The following NUAK2 variants were observed in gnomAD, a reference collection of about 807,000 sequenced individuals.
NUAK2 encodes the protein NUAK family kinase 2.
A neutral mutation model predicts 29.8 loss-of-function variants in NUAK2; 20 were observed. The ratio of observed to expected loss-of-function variants is 0.67; its 90% CI spans 0.47 to 0.98. The LOEUF (loss-of-function observed/expected upper bound fraction) is 0.98. Ranked by LOEUF, NUAK2 falls within the 50% of genes least tolerant of loss-of-function variation. NUAK2 has a pLI of 0.00. For missense variants in NUAK2, 719 were observed against 834.5 expected, an observed-to-expected ratio of 0.86 and a Z score of 1.71; for synonymous variants, 331 against 342.6, an observed-to-expected ratio of 0.97 and a Z score of 0.37.
Position 205,308,610 on chromosome 1 carries a change from T to A in NUAK2, c.475A>T (p.Ile159Phe). ...EREARHFFRQ[I>F]VSAVHYCHQN... ...TGGCAATAGTGCACGGCAGAGACGA[T>A]CTGCCGGAAGAAATGCCTAGCTTCG... Residue 159 changes from isoleucine to phenylalanine, a missense_variant, in exon 3 of 7, where the codon ATC becomes TTC. This residue lies in a region of NUAK2 where 283 missense variants were observed against 345.6 expected (regional missense o/e 0.82). Coordinates refer to ENST00000367157, the MANE Select transcript of NUAK2 (RefSeq NM_030952.3). This position sits in a 1 kb window ranked among gnomAD's most constrained non-coding sequence, Gnocchi z 4.1. 1 of 1,614,070 alleles carries A rather than the reference T, an allele frequency of 6.2e-7. No homozygotes were observed. The highest frequency in any genetic ancestry group is 1.1e-5 in the South Asian group (1 of 91,080).
At position 205,308,869 on chromosome 1, in the gene NUAK2, A is replaced by G. The variant is rs1662219646; in HGVS notation, c.353-137T>C. 1.1e-6 allele frequency: 1 copy of G among 935,514 alleles called. No homozygotes were observed. The highest frequency in any genetic ancestry group is 1.6e-5 in the South Asian group (1 of 61,722). 58.0% of individuals were successfully genotyped at this position (935,514 alleles called of 1,614,324 possible). ...CAGGAATATCTGCTAATGGGGCTAT[A>G]CGGTGGCAAATAAGGGCAGAAGAAG... On this transcript the variant is annotated intron_variant, in intron 2 of 6. Coordinates refer to ENST00000367157, the MANE Select transcript of NUAK2 (RefSeq NM_030952.3). The surrounding 1 kb of genome is among the most constrained non-coding windows in gnomAD (Gnocchi z 4.1).
chr1:205,304,408 C>G lies in NUAK2; in HGVS notation c.929G>C (p.Arg310Pro). ...ATGCGGAGCCTCCTGCTCTCCCACT[C>G]GGGTGGCGTAGCCCCAGTTGACCCA... ...HWWVNWGYAT[R>P]VGEQEAPHEG... The change falls in exon 7 of 7, where the codon CGA becomes CCA. Residue 310 changes from arginine to proline, a missense_variant. Physicochemically the swap from Arg to Pro is moderately radical, Grantham distance 103. Coordinates refer to ENST00000367157, the MANE Select transcript of NUAK2 (RefSeq NM_030952.3). The surrounding 1 kb of genome is among the most constrained non-coding windows in gnomAD (Gnocchi z 6.5). 1.2e-6 allele frequency: 2 copies of G among 1,600,582 alleles called. No homozygotes were observed. Among genetic ancestry groups the G allele is most frequent in the Middle Eastern group, 3.4e-4 (2 of 5,932 alleles).
chr1:205,303,912 G>A lies in NUAK2; in HGVS notation c.1425C>T (p.Gly475=), dbSNP rs56069742. 21,416 of 1,614,002 alleles carry A rather than the reference G, an allele frequency of 0.013. 176 individuals are homozygous for A. Among genetic ancestry groups the A allele is most frequent in the Non-Finnish European group, 0.016 (19,233 of 1,179,990 alleles). Residue 475 remains glycine, a synonymous_variant, in exon 7 of 7, where the codon GGC becomes GGT. Transcript: ENST00000367157. ...PSESGELLDA[G]DVFVSGDPKE... is the part of the protein sequence containing the mutation. ...TGGGATCCCCACTCACAAACACGTC[G>A]CCTGCGTCCAAGAGCTCCCCAGATT...
At chr1:205,312,674 T>C (rs1415637056) in intron 1 of NUAK2, among the ~76,000 whole-genome samples, 1 of 152,136 alleles carries the variant, frequency 6.6e-6, no homozygotes, top group Admixed American at 6.5e-5. Flanking sequence ...TGGTGGCACA[T>C]GCCTGTAGTC....
chr1:205,314,058 A>G (rs1475540503), intron 1 of NUAK2, among the ~76,000 whole-genome samples: 1 of 152,222 alleles, frequency 6.6e-6, no homozygotes. Context: ...GGAGGCAGAC[A>G]ATGGTTTCTG....
At chr1:205,305,848 ATTACAGGTGGG>A (rs559394933) in intron 5 of NUAK2, among the ~76,000 whole-genome samples, 195 of 152,120 alleles carry the variant, frequency 1.3e-3, no homozygotes, top group Non-Finnish European at 2.1e-3. Context: ...AGTAACTGGG[ATTACAGGTGGG>A]TGCCACAAAG....
intron 2 of NUAK2, among the ~76,000 whole-genome samples, chr1:205,310,254 A>G (rs987650006): frequency 4.6e-5 from 7 of 151,456 alleles, no homozygotes; most frequent in Non-Finnish European, 1.0e-4. Flanking sequence ...CCTGGCTGAG[A>G]CTCCACCCCT....
At chr1:205,310,258 C>A (rs752761182) in intron 2 of NUAK2, among the ~76,000 whole-genome samples, 1 of 152,012 alleles carries the variant, frequency 6.6e-6, no homozygotes, top group Non-Finnish European at 1.5e-5. Flanking sequence ...GCTGAGACTC[C>A]ACCCCTATGG....
chr1:205,308,533 C>A lies in NUAK2; in HGVS notation c.504+48G>T. The A allele has an allele frequency of 1.3e-6, 2 of 1,595,406 alleles. No homozygotes were observed. The highest frequency in any genetic ancestry group is 1.7e-6 in the Non-Finnish European group (2 of 1,164,852). On this transcript the variant is annotated intron_variant, in intron 3 of 6. Transcript: ENST00000367157. This position sits in a 1 kb window ranked among gnomAD's most constrained non-coding sequence, Gnocchi z 4.1. ...CTCTGGTCCAAAACAGCCCTAGAGC[C>A]CTGGGGACCACCCACTGAGAATATG... is the stretch of plus-strand genomic sequence containing the variant.
In NUAK2 at chr1:205,303,481, T is replaced by C. The variant is rs781143703; in HGVS notation, c.1856A>G (p.Gln619Arg). The change falls in exon 7 of 7, where the codon CAG becomes CGG. Residue 619 changes from glutamine to arginine, a missense_variant. Coordinates refer to ENST00000367157, the MANE Select transcript of NUAK2 (RefSeq NM_030952.3). ...GAGCTTTGAGCAGACCCTCAGTGCC[T>C]GTCGGTAGGTCGCTGTCACCTCCTG... ...DCQEVTATYR[Q>R]ALRVCSKLT is the part of the protein sequence containing the mutation. 1 of 1,603,634 alleles carries C rather than the reference T, an allele frequency of 6.2e-7. No homozygotes were observed. Among genetic ancestry groups the C allele is most frequent in the Admixed American group, 1.7e-5 (1 of 58,740 alleles).
Position 205,303,533 on chromosome 1 carries a change from C to A in NUAK2, c.1804G>T (p.Asp602Tyr). 2 of 1,613,554 alleles carry A rather than the reference C, an allele frequency of 1.2e-6. No homozygotes were observed. The highest frequency in any genetic ancestry group is 1.7e-6 in the Non-Finnish European group (2 of 1,179,896). Residue 602 changes from aspartate (D) to tyrosine (Y), a missense_variant, in exon 7 of 7, where the codon GAC (aspartate) becomes TAC (tyrosine). This residue lies in a region of NUAK2 where 430 missense variants were observed against 465.7 expected (regional missense o/e 0.92). Transcript: ENST00000367157. ...CAGTCTGTCAGGGAAAAGCAGCTGT[C>A]CCCCAAAGGATCCTGCCGCCAGCGC... ...LRRWRQDPLGDSCFSLTDCQE... is the reference protein window; with the variant it reads ...LRRWRQDPLGYSCFSLTDCQE...
intron 1 of NUAK2, among the ~76,000 whole-genome samples, chr1:205,313,566 C>G (rs1192860598): frequency 6.6e-6 from 1 of 152,146 alleles, no homozygotes; most frequent in African/African-American, 2.4e-5. Flanking sequence ...CAGAAAATAC[C>G]AGGGAGCAGG....
intron 1 of NUAK2, among the ~76,000 whole-genome samples, chr1:205,314,802 G>A (rs1280805938): frequency 6.6e-6 from 1 of 152,200 alleles, no homozygotes; most frequent in Non-Finnish European, 1.5e-5. Context: ...CATCTTGGAT[G>A]TACAGTTGTG....
intron 1 of NUAK2, among the ~76,000 whole-genome samples, chr1:205,316,000 C>A (rs1298932799): frequency 1.3e-5 from 2 of 152,146 alleles, no homozygotes; most frequent in Non-Finnish European, 2.9e-5. Flanking sequence ...ACTAATATTG[C>A]CCCTTTTACT....
chr1:205,303,830 T>G lies in NUAK2; in HGVS notation c.1507A>C (p.Lys503Gln). Reference protein sequence around the residue: ...GLLLHRKGILKLNGKFSQTAL... With the variant: ...GLLLHRKGILQLNGKFSQTAL... ...GTCTGGGAGAACTTGCCATTGAGTT[T>G]GAGGATGCCTTTGCGATGGAGGAGC... is the stretch of plus-strand genomic sequence containing the variant. The change falls in exon 7 of 7, where the codon AAA (lysine) becomes CAA (glutamine). Residue 503 changes from lysine (K) to glutamine (Q), a missense_variant. Lys to Gln is a moderately conservative substitution (Grantham distance 53, BLOSUM62 1). This residue lies in a region of NUAK2 where 430 missense variants were observed against 465.7 expected (regional missense o/e 0.92). Transcript: ENST00000367157. 6.2e-7 allele frequency: 1 copy of G among 1,604,472 alleles called. No individual in the cohort carries two copies. The highest frequency in any genetic ancestry group is 8.5e-7 in the Non-Finnish European group (1 of 1,175,220).
rs949661015 is a variant in NUAK2 at position 205,308,810 on chromosome 1, G to A, written c.353-78C>T. 8.5e-6 allele frequency: 13 copies of A among 1,533,946 alleles called. No homozygotes were observed. Among genetic ancestry groups the A allele is most frequent in the South Asian group, 1.1e-5 (1 of 87,592 alleles). ...CACTGGGGGTGACTCACTCCTCCCC[G>A]ACCCCAGGCCCCAAACCAGACAGGA... On this transcript the variant is annotated intron_variant, in intron 2 of 6. Coordinates refer to ENST00000367157, the MANE Select transcript of NUAK2 (RefSeq NM_030952.3). The surrounding 1 kb of genome is among the most constrained non-coding windows in gnomAD (Gnocchi z 4.1).
chr1:205,304,392 C>T lies in NUAK2; in HGVS notation c.945G>A (p.Glu315=), dbSNP rs1410595658. 6.2e-7 allele frequency: 1 copy of T among 1,606,476 alleles called. No homozygotes were observed. The highest frequency in any genetic ancestry group is 1.1e-5 in the South Asian group (1 of 90,462). ...CAGGGTGCCCACCCTCATGCGGAGC[C>T]TCCTGCTCTCCCACTCGGGTGGCGT... The part of the protein sequence containing the change: ...WGYATRVGEQ[E]APHEGGHPGS... Residue 315 remains glutamate, a synonymous_variant, in exon 7 of 7, where the codon GAG becomes GAA. Coordinates refer to ENST00000367157, the MANE Select transcript of NUAK2 (RefSeq NM_030952.3). This position sits in a 1 kb window ranked among gnomAD's most constrained non-coding sequence, Gnocchi z 6.5.
Position 205,308,309 on chromosome 1 carries a change from TA to T in NUAK2, c.505-80del, listed in dbSNP as rs1662209222. On this transcript the variant is annotated intron_variant, in intron 3 of 6. Transcript: ENST00000367157. The surrounding 1 kb of genome is among the most constrained non-coding windows in gnomAD (Gnocchi z 4.1). ...GAGGGGCCCAGTCTGGAGACTGAGGTAAACACAAAGGGAGCCAAGTGGGCTT... is the reference window on the plus strand; with the variant it reads ...GAGGGGCCCAGTCTGGAGACTGAGGTAACACAAAGGGAGCCAAGTGGGCTT... 8.8e-7 allele frequency: 1 copy of T among 1,138,688 alleles called. No individual in the cohort carries two copies. The highest frequency in any genetic ancestry group is 2.4e-5 in the East Asian group (1 of 42,140). The allele number at this position is 1,138,688 out of a possible 1,614,324, so 70.5% of individuals were successfully genotyped here. A position where few individuals can be genotyped will look rare whatever the true frequency, so the allele number is the denominator to read the frequency against.
At position 205,311,822 on chromosome 1, in the gene NUAK2, C is replaced by A; in HGVS notation, c.235G>T (p.Ala79Ser). ...KARESSGRLV[A>S]IKSIRKDKIK... ...TTGTCCTTCCGGATTGACTTGATGG[C>A]CACCTGGGAAGAGAAGGCATGAGAG... Residue 79 changes from alanine to serine, a missense_variant, in exon 2 of 7, where the codon GCC becomes TCC. Physicochemically the swap from Ala to Ser is moderately conservative, Grantham distance 99. Around this residue, in one of 3 missense-constraint regions of NUAK2, gnomAD observed 283 missense variants for 345.6 expected, o/e 0.82. Coordinates refer to ENST00000367157, the MANE Select transcript of NUAK2 (RefSeq NM_030952.3). The A allele has an allele frequency of 6.2e-7, 1 of 1,613,730 alleles. No homozygotes were observed.
Sources: gnomAD v4.1 joint callset for allele counts (sites outside exome capture counted in the v4.1 genomes callset) on GRCh38, gnomAD v4.1.1 for gene constraint, gnomAD v4.1.1 regional missense constraint, Gnocchi (gnomAD v3.1) non-coding constraint, MANE v1.5 for transcripts, NCBI Gene and HGNC (gene_info 2026-07-23, HGNC 2026-07-21) for gene names.